The following POLR2F variants were observed in gnomAD, a reference collection of about 807,000 sequenced individuals.
POLR2F encodes RNA polymerase II, I and III subunit F.
A neutral mutation model predicts 22.7 loss-of-function variants in POLR2F; 12 were observed. That is an observed-to-expected ratio of 0.53 (90% CI 0.34 to 0.86). The LOEUF (loss-of-function observed/expected upper bound fraction) is 0.86, where lower values mean the gene tolerates loss of function less well. Ranked by LOEUF, POLR2F falls within the 40% of genes least tolerant of loss-of-function variation. The pLI, the probability that POLR2F is intolerant of heterozygous loss-of-function variation, is 0.02. For missense variants in POLR2F, 126 were observed against 171.5 expected (o/e 0.73, Z 1.48); for synonymous variants, 57 against 66.0 (o/e 0.86, Z 0.66).
At chr22:38,039,101 G>T (rs2085146610) in intron 5 of POLR2F, among the ~76,000 whole-genome samples, 1 of 152,172 alleles carries the variant, frequency 6.6e-6, no homozygotes. Context: ...TCCCGGGAGC[G>T]GCTCCCCTCT....
intron 1 of POLR2F, among the ~76,000 whole-genome samples, chr22:38,001,386 T>C (rs2084768160): frequency 6.6e-6 from 1 of 152,122 alleles, no homozygotes; most frequent in African/African-American, 2.4e-5. Flanking sequence ...ACAGAAATAA[T>C]GTGAGTTGCA....
In POLR2F at chr22:37,953,983, C is replaced by T. The variant is rs534202710; in HGVS notation, c.20+176C>T. 5.5e-4 allele frequency: 388 copies of T among 710,520 alleles called. 1 individual carries two copies. In the South Asian group the frequency reaches 7.0e-3, roughly 13 times the overall value. 44.0% of individuals were successfully genotyped at this position (710,520 alleles called of 1,614,324 possible). A position where few individuals can be genotyped will look rare whatever the true frequency, so the allele number is the denominator to read the frequency against. On this transcript the variant is annotated intron_variant, in intron 1 of 4. Transcript: ENST00000442738. Reference sequence around the variant, plus strand: ...GGGCGACCCAGGAGCACAGCCCCGGCTGGAGGCACAGGAGGGCCCAGGCTC... The same window carrying T: ...GGGCGACCCAGGAGCACAGCCCCGGTTGGAGGCACAGGAGGGCCCAGGCTC...
downstream of POLR2F, among the ~76,000 whole-genome samples, chr22:38,027,675 C>A (rs951053074): frequency 6.6e-6 from 1 of 152,168 alleles, no homozygotes; most frequent in Non-Finnish European, 1.5e-5. Flanking sequence ...CTCATATGCA[C>A]GTGTGCACAC....
intron 1 of POLR2F, among the ~76,000 whole-genome samples, chr22:38,021,457 A>G (rs549322791): frequency 1.3e-5 from 2 of 152,158 alleles, no homozygotes; most frequent in Non-Finnish European, 2.9e-5. Context: ...CAGTACTCCA[A>G]TGATCTAAGC....
At chr22:37,964,057 G>A (rs1050681692) in intron 3 of POLR2F, among the ~76,000 whole-genome samples, 15 of 151,494 alleles carry the variant, frequency 9.9e-5, no homozygotes, top group African/African-American at 3.4e-4. Flanking sequence ...AGCCAAGATC[G>A]TGCCACTAAT....
chr22:38,023,062 G>T (rs2084975073), intron 1 of POLR2F, among the ~76,000 whole-genome samples: 1 of 152,158 alleles, frequency 6.6e-6, no homozygotes, highest in South Asian at 2.1e-4. Flanking sequence ...AATAAGCATT[G>T]AGATTCTCCT....
downstream of POLR2F, chr22:38,041,112 A>T: frequency 6.2e-7 from 1 of 1,612,914 alleles, no homozygotes; most frequent in East Asian, 2.2e-5. Context: ...AGCCCCGTGA[A>T]CAATGCATGG....
intron 4 of POLR2F, among the ~76,000 whole-genome samples, chr22:37,975,158 G>A (rs1213376132): frequency 6.6e-6 from 1 of 152,130 alleles, no homozygotes; most frequent in Non-Finnish European, 1.5e-5. Context: ...AAACTCTTAG[G>A]GAGCATTACA....
At chr22:37,959,317 C>A (rs185805639) in intron 2 of POLR2F, 29 bp from the exon 3 acceptor site, 273 of 1,610,262 alleles carry the variant, frequency 1.7e-4, no homozygotes, top group Non-Finnish European at 2.1e-4. Context: ...CCACCTGAGT[C>A]TTTCCCTCTT....
intron 1 of POLR2F, among the ~76,000 whole-genome samples, chr22:38,015,934 T>G (rs2084911795): frequency 6.6e-6 from 1 of 152,112 alleles, no homozygotes; most frequent in Admixed American, 6.6e-5. Context: ...AGTCTCGGCC[T>G]CTGCTGGTAC....
intron 5 of POLR2F, chr22:38,034,157 T>C (rs1395649181): frequency 5.9e-6 from 1 of 169,386 alleles, no homozygotes; most frequent in Admixed American, 6.5e-5. Context: ...TCAGCCTTGC[T>C]GCCTCACCAC....
In POLR2F at chr22:38,017,328, C is replaced by T. The variant is rs927147806; in HGVS notation, c.121-8541C>T. 3.3e-5 allele frequency among the ~76,000 whole-genome samples: 5 copies of T among 152,082 alleles called. No homozygotes were observed. Among genetic ancestry groups the T allele is most frequent in the African/African-American group, 1.2e-4 (5 of 41,410 alleles). On this transcript the variant is annotated intron_variant, in intron 1 of 2. Transcript: ENST00000333418. The surrounding 1 kb of genome is among the most constrained non-coding windows in gnomAD (Gnocchi z 4.1). The stretch of plus-strand genomic sequence containing the variant: ...ACTAGGACAGAAAACCCTGAACTGC[C>T]CCCAGAGTGATCATGCTCAATGTCA...
chr22:37,960,095 C>T (rs867312139), intron 3 of POLR2F, among the ~76,000 whole-genome samples: 7 of 151,822 alleles, frequency 4.6e-5, no homozygotes, highest in Admixed American at 1.3e-4. Context: ...AGAGCCACCG[C>T]GCCCGGCCAT....
At position 37,997,665 on chromosome 22, in the gene POLR2F, C is replaced by T. The variant is rs1022788519; in HGVS notation, c.120+11353C>T. ...TCCAGCCTACCTTCCCCAGGACACC[C>T]GGCTCTGTCCCCTGCATGCCCTGGG... On this transcript the variant is annotated intron_variant, in intron 1 of 2. Coordinates refer to the POLR2F transcript ENST00000333418. This position sits in a 1 kb window ranked among gnomAD's most constrained non-coding sequence, Gnocchi z 4.4. Among the ~76,000 whole-genome samples, 4 of 152,102 alleles carry T rather than the reference C, an allele frequency of 2.6e-5. No homozygotes were observed. The highest frequency in any genetic ancestry group is 5.9e-5 in the Non-Finnish European group (4 of 68,012).
chr22:37,964,783 G>A (rs1931789951), intron 3 of POLR2F, among the ~76,000 whole-genome samples: 1 of 151,894 alleles, frequency 6.6e-6, no homozygotes, highest in African/African-American at 2.4e-5. Flanking sequence ...ATGTTGGTCG[G>A]GCTGGTCTTG....
upstream of POLR2F, among the ~76,000 whole-genome samples, chr22:37,981,510 G>A (rs1601885253): frequency 6.6e-6 from 1 of 152,218 alleles, no homozygotes; most frequent in African/African-American, 2.4e-5. Context: ...CCAAGCCCAG[G>A]GTTCTGGGCT....
At position 37,956,764 on chromosome 22, in the gene POLR2F, C is replaced by A; in HGVS notation, c.21-9C>A. On this transcript the variant is annotated splice_polypyrimidine_tract_variant and intron_variant, in intron 1 of 4. Coordinates refer to ENST00000442738, the MANE Select transcript of POLR2F (RefSeq NM_021974.5). ...TGCTCTAAGTAACTGATCTCTTCTT[C>A]CTGTACAGTTTTGATGGCGACGACT... The A allele has an allele frequency of 6.2e-7, 1 of 1,610,740 alleles. No individual in the cohort carries two copies. Among genetic ancestry groups the A allele is most frequent in the Non-Finnish European group, 8.5e-7 (1 of 1,176,946 alleles).
At chr22:38,002,186 T>C (rs2084777554) in intron 1 of POLR2F, among the ~76,000 whole-genome samples, 1 of 151,446 alleles carries the variant, frequency 6.6e-6, no homozygotes, top group Non-Finnish European at 1.5e-5. Context: ...TCCCCAAACT[T>C]GGACAAAGCA....
At chr22:37,990,483 T>C (rs1460261707) in intron 1 of POLR2F, among the ~76,000 whole-genome samples, 1 of 152,240 alleles carries the variant, frequency 6.6e-6, no homozygotes, top group Non-Finnish European at 1.5e-5. Flanking sequence ...ATGCCCTTCC[T>C]GGCGTCTGCC....
Sources: allele counts gnomAD v4.1 joint callset (sites outside exome capture counted in the v4.1 genomes callset), GRCh38; gene constraint gnomAD v4.1.1; non-coding constraint Gnocchi (gnomAD v3.1); transcripts MANE v1.5; gene names NCBI Gene and HGNC (gene_info 2026-07-23, HGNC 2026-07-21).